Variants in ARL1 observed in about 807,000 individuals in gnomAD.
ARL1 encodes the protein ARF like GTPase 1, also known as ADP-ribosylation factor-like protein 1.
Under a neutral mutation model 30.1 loss-of-function variants are expected in ARL1, and 17 were observed. The observed-to-expected ratio is 0.56, with a 90% confidence interval of 0.39 to 0.85. The LOEUF is 0.85. Among genes scored for constraint, ARL1 ranks in the 40% least tolerant of loss-of-function variants. The pLI is 0.00. For missense variants in ARL1, 102 were observed against 212.6 expected (o/e 0.48, Z 3.24); for synonymous variants, 58 against 71.7 (o/e 0.81, Z 0.97).
intron 4 of ARL1, among the ~76,000 whole-genome samples, chr12:101,399,724 ATTATTTTTTCATTTTT>A (rs900233989): frequency 1.3e-5 from 2 of 151,960 alleles, no homozygotes; most frequent in Non-Finnish European, 2.9e-5. Context: ...AGTACATTTG[ATTATTTTTTCATTTTT>A]TAAAAATGGA....
chr12:101,407,154 A>G (rs919429781), intron 1 of ARL1: 8 of 163,418 alleles, frequency 4.9e-5, no homozygotes, highest in Non-Finnish European at 7.9e-5. Context: ...CCATAAAACA[A>G]CATAAGCAAC....
Position 101,395,538 on chromosome 12 carries a change from A to G in ARL1, c.*102T>C, listed in dbSNP as rs903128453. 1.1e-6 allele frequency: 1 copy of G among 932,014 alleles called. No individual in the cohort carries two copies. The highest frequency in any genetic ancestry group is 2.4e-5 in the Admixed American group (1 of 40,896). The allele number at this position is 932,014 out of a possible 1,614,324, so 57.7% of individuals were successfully genotyped here. On this transcript the variant is annotated 3_prime_UTR_variant, in exon 6 of 6. Coordinates refer to ENST00000261636, the MANE Select transcript of ARL1 (RefSeq NM_001177.6). Reference sequence around the variant, plus strand: ...TTGCAGTCAGTCAGTATATGCCAATAATCATATAGTTTTAACATCTAGTAG... The same window carrying G: ...TTGCAGTCAGTCAGTATATGCCAATGATCATATAGTTTTAACATCTAGTAG...
chr12:101,400,913 C>T, intron 4 of ARL1, 149 bp downstream of exon 4: 1 of 623,522 alleles, frequency 1.6e-6, no homozygotes, highest in East Asian at 2.8e-5. Flanking sequence ...CCCTCCTCAA[C>T]TGTATTTTTG....
rs1871053073 is a variant in ARL1 at position 101,393,117 on chromosome 12, C to A, written c.*2523G>T. 6.6e-6 allele frequency: 1 copy of A among 152,084 alleles called. No homozygotes were observed. Among genetic ancestry groups the A allele is most frequent in the Non-Finnish European group, 1.5e-5 (1 of 68,028 alleles). 9.4% of individuals were successfully genotyped at this position (152,084 alleles called of 1,614,324 possible). A position where few individuals can be genotyped will look rare whatever the true frequency, so the allele number is the denominator to read the frequency against. On this transcript the variant is annotated 3_prime_UTR_variant, in exon 6 of 6. Transcript: ENST00000261636. ...CAAAGATCAGAAAGGACAAATATAT[C>A]TGGCATATTGAAGACGTCTTTGTTT... is the stretch of plus-strand genomic sequence containing the variant.
At chr12:101,404,873 T>C (rs1444900785) in intron 2 of ARL1, among the ~76,000 whole-genome samples, 3 of 152,138 alleles carry the variant, frequency 2.0e-5, no homozygotes, top group Non-Finnish European at 4.4e-5. Context: ...TATATACATA[T>C]ACACATATAT....
intron 4 of ARL1, among the ~76,000 whole-genome samples, chr12:101,398,367 G>C (rs1277057476): frequency 6.6e-6 from 1 of 150,934 alleles, no homozygotes; most frequent in Non-Finnish European, 1.5e-5. Flanking sequence ...CTGCACTCCA[G>C]CCTGGGCAAC....
chr12:101,401,933 CTCAAAAGTGAT>C (rs931753039), intron 3 of ARL1, among the ~76,000 whole-genome samples: 1 of 151,858 alleles, frequency 6.6e-6, no homozygotes, highest in African/African-American at 2.4e-5. Flanking sequence ...TATAAATAAA[CTCAAAAGTGAT>C]TCAATGGAGT....
chr12:101,398,756 C>T (rs1383341911), intron 4 of ARL1, among the ~76,000 whole-genome samples: 1 of 152,074 alleles, frequency 6.6e-6, no homozygotes. Context: ...TATGTTTTAA[C>T]ATTAACAGTC....
intron 1 of ARL1, 59 bp downstream of exon 1, chr12:101,407,583 C>T: frequency 1.2e-6 from 2 of 1,603,650 alleles, no homozygotes; most frequent in East Asian, 4.5e-5. Flanking sequence ...TCCTCTGCAC[C>T]CCAGCCCTCG....
intron 2 of ARL1, 80 bp from the exon 3 acceptor site, chr12:101,403,026 C>A: frequency 1.3e-6 from 1 of 794,120 alleles, no homozygotes; most frequent in Non-Finnish European, 2.0e-6. Context: ...TGAGTTACAG[C>A]AATTAATGGT....
chr12:101,407,260 CAAG>C (rs1871471200), intron 1 of ARL1: 1 of 268,222 alleles, frequency 3.7e-6, no homozygotes, highest in Admixed American at 5.3e-5. Context: ...CATCTTTCAC[CAAG>C]AAACCTCGGC....
chr12:101,403,550 C>T (rs1252927665), intron 2 of ARL1: 1 of 178,570 alleles, frequency 5.6e-6, no homozygotes, highest in African/African-American at 2.4e-5. Flanking sequence ...AATCTCACAG[C>T]CCATCTGCAG....
chr12:101,401,170 T>A lies in ARL1; in HGVS notation c.228A>T (p.Pro76=), dbSNP rs1342672398. 4 of 1,606,166 alleles carry A rather than the reference T, an allele frequency of 2.5e-6. No individual in the cohort carries two copies. Among genetic ancestry groups the A allele is most frequent in the Non-Finnish European group, 3.4e-6 (4 of 1,174,844 alleles). Residue 76 remains proline, a synonymous_variant, in exon 4 of 6, where the codon CCA becomes CCT. Coordinates refer to ENST00000261636, the MANE Select transcript of ARL1 (RefSeq NM_001177.6). ...TGTTTGAATAGTAACATCTCCAGTATGGCCTAGAGAAAATTTAAAAGGGGA... is the reference window on the plus strand; with the variant it reads ...TGTTTGAATAGTAACATCTCCAGTAAGGCCTAGAGAAAATTTAAAAGGGGA... ...WDLGGQTSIR[P]YWRCYYSNTD...
chr12:101,406,120 T>A (rs1278842327), intron 1 of ARL1, 139 bp from the exon 2 acceptor site: 6 of 664,546 alleles, frequency 9.0e-6, no homozygotes, highest in Non-Finnish European at 1.2e-5. Flanking sequence ...ATATTTTTCC[T>A]CCCAATGAAA....
chr12:101,407,512 C>T (rs889670436), intron 1 of ARL1, 130 bp downstream of exon 1: 3 of 1,251,378 alleles, frequency 2.4e-6, no homozygotes, highest in African/African-American at 3.0e-5. Context: ...TGAGTCAAGT[C>T]CTCCGCGACC....
rs1045562306 is a variant in ARL1, at chr12:101,394,791, T to A, written c.*849A>T. ...ATGTAACTAATTAGCATAATTTTAT[T>A]TAAGAGTTAGACTGTGTTGTCAATA... is the stretch of plus-strand genomic sequence containing the variant. On this transcript the variant is annotated 3_prime_UTR_variant, in exon 6 of 6. Coordinates refer to ENST00000261636, the MANE Select transcript of ARL1 (RefSeq NM_001177.6). The A allele has an allele frequency of 6.6e-6, 1 of 152,194 alleles. No individual in the cohort carries two copies. 9.4% of individuals were successfully genotyped at this position (152,194 alleles called of 1,614,324 possible). A position where few individuals can be genotyped will look rare whatever the true frequency, so the allele number is the denominator to read the frequency against.
At position 101,395,335 on chromosome 12, in the gene ARL1, C is replaced by T. The variant is rs1008524441; in HGVS notation, c.*305G>A. On this transcript the variant is annotated 3_prime_UTR_variant, in exon 6 of 6. Coordinates refer to ENST00000261636, the MANE Select transcript of ARL1 (RefSeq NM_001177.6). Reference sequence around the variant, plus strand: ...CTATTCAAAAATAGGTTTTTTTCATCCAATAGGAGTATACTCTTTAATAGA... The same window carrying T: ...CTATTCAAAAATAGGTTTTTTTCATTCAATAGGAGTATACTCTTTAATAGA... 10 of 269,232 alleles carry T rather than the reference C, an allele frequency of 3.7e-5. No homozygotes were observed. Among genetic ancestry groups the T allele is most frequent in the African/African-American group, 2.0e-4 (9 of 45,442 alleles). 16.7% of individuals were successfully genotyped at this position (269,232 alleles called of 1,614,324 possible). A position where few individuals can be genotyped will look rare whatever the true frequency, so the allele number is the denominator to read the frequency against.
intron 4 of ARL1, 114 bp downstream of exon 4, chr12:101,400,948 G>T: frequency 4.2e-6 from 3 of 712,354 alleles, no homozygotes; most frequent in Non-Finnish European, 6.9e-6. Flanking sequence ...TTCCATAAAA[G>T]AAAATAATTT....
chr12:101,397,738 AT>A lies in ARL1; in HGVS notation c.337-1162del, dbSNP rs530831023. On this transcript the variant is annotated intron_variant, in intron 4 of 5. Coordinates refer to ENST00000261636, the MANE Select transcript of ARL1 (RefSeq NM_001177.6). ...AGACTGGTCTCGAACTCCTGACCTC[AT>A]GATCCACCCGCCTCGGCCTCCCAAA... Among the ~76,000 whole-genome samples, 1,389 of 152,130 alleles carry A rather than the reference AT, an allele frequency of 9.1e-3. 5 individuals are homozygous for A. Among genetic ancestry groups the A allele is most frequent in the Admixed American group, 0.014 (214 of 15,272 alleles).
Sources: allele counts gnomAD v4.1 joint callset (sites outside exome capture counted in the v4.1 genomes callset), GRCh38; gene constraint gnomAD v4.1.1; transcripts MANE v1.5; gene names NCBI Gene and HGNC (gene_info 2026-07-23, HGNC 2026-07-21).